The following TRIM55 variants were observed in gnomAD, a reference collection of about 807,000 sequenced individuals.
TRIM55 encodes tripartite motif-containing protein 55.
TRIM55 carries 50 observed loss-of-function variants against 60.9 expected under a neutral mutation model. That is an observed-to-expected ratio of 0.82 (90% CI 0.65 to 1.04). The LOEUF (loss-of-function observed/expected upper bound fraction) is 1.04, where lower values mean the gene tolerates loss of function less well. TRIM55 is among the 50% of genes least tolerant of loss of function. TRIM55 has a pLI of 0.00. For missense variants in TRIM55, 681 were observed against 666.9 expected, an observed-to-expected ratio of 1.02 and a Z score of -0.23; for synonymous variants, 237 against 238.1, an observed-to-expected ratio of 1.00 and a Z score of 0.04.
rs544219291 is a variant in TRIM55 at position 66,127,426 on chromosome 8, A to G, written c.158A>G (p.Asp53Gly). The G allele has an allele frequency of 4.3e-6, 7 of 1,613,820 alleles. No individual in the cohort carries two copies. The highest frequency in any genetic ancestry group is 5.9e-6 in the Non-Finnish European group (7 of 1,179,904). ...AACCTGTGTAGGAAATGTGCCAGTGATATTTTCCAGGTAGGTTTGTTTGGA... is the reference window on the plus strand; with the variant it reads ...AACCTGTGTAGGAAATGTGCCAGTGGTATTTTCCAGGTAGGTTTGTTTGGA... ...QHNLCRKCAS[D>G]IFQASNPYLP... Residue 53 changes from aspartate to glycine, a missense_variant, in exon 1 of 10, where the codon GAT becomes GGT. Physicochemically the swap from Asp to Gly is moderately conservative, Grantham distance 94. Coordinates refer to ENST00000315962, the MANE Select transcript of TRIM55 (RefSeq NM_184085.2).
intron 4 of TRIM55, among the ~76,000 whole-genome samples, chr8:66,137,758 GAAAAAAA>G (rs34634925): frequency 6.9e-5 from 8 of 116,322 alleles, no homozygotes; most frequent in African/African-American, 2.6e-4. Context: ...AATCAACACT[GAAAAAAA>G]AAAAAAAAAA....
chr8:66,155,561 A>G lies in TRIM55; in HGVS notation c.1524+1227A>G, dbSNP rs1810690045. 11 of 1,293,050 alleles carry G rather than the reference A, an allele frequency of 8.5e-6. No homozygotes were observed. The South Asian group carries it at 1.3e-4, about 15-fold the overall frequency. 80.1% of individuals were successfully genotyped at this position (1,293,050 alleles called of 1,614,324 possible). On this transcript the variant is annotated intron_variant, in intron 9 of 9. Transcript: ENST00000315962. ...AAGCCAAAATGAAAAGTCCATTGAA[A>G]TAATGTTGAAAATAATTATTTGTGA...
chr8:66,133,319 T>A (rs578183240), intron 2 of TRIM55, among the ~76,000 whole-genome samples: 13 of 152,186 alleles, frequency 8.5e-5, no homozygotes, highest in African/African-American at 2.4e-4. Context: ...CCTTTCATTG[T>A]CTCACTCATT....
intron 7 of TRIM55, among the ~76,000 whole-genome samples, chr8:66,151,866 AAATAAATAAAT>A (rs1810443723): frequency 7.3e-6 from 1 of 137,838 alleles, no homozygotes; most frequent in Non-Finnish European, 1.6e-5. Flanking sequence ...ATAAATAAAT[AAATAAATAAAT>A]AAATAAATAA....
intron 7 of TRIM55, 90 bp downstream of exon 7, chr8:66,150,556 C>A: frequency 6.8e-7 from 1 of 1,465,336 alleles, no homozygotes; most frequent in Non-Finnish European, 9.4e-7. Flanking sequence ...GATTCAGAAT[C>A]ACCTCCAGAA....
intron 4 of TRIM55, among the ~76,000 whole-genome samples, chr8:66,145,548 C>A (rs1253742760): frequency 6.6e-6 from 1 of 152,048 alleles, no homozygotes; most frequent in Non-Finnish European, 1.5e-5. Flanking sequence ...ATGCCAGGTA[C>A]AAAGTCAGTG....
Position 66,137,145 on chromosome 8 carries a change from C to G in TRIM55, c.558C>G (p.Val186=), listed in dbSNP as rs1809527061. 1 of 1,614,038 alleles carries G rather than the reference C, an allele frequency of 6.2e-7. No homozygotes were observed. Among genetic ancestry groups the G allele is most frequent in the African/African-American group, 1.3e-5 (1 of 74,930 alleles). ...TCCTCGTGGGCAGCAACGATCGAGTCCAGGGAGTGATCAGCCAGCTGGAAG... is the reference window on the plus strand; with the variant it reads ...TCCTCGTGGGCAGCAACGATCGAGTGCAGGGAGTGATCAGCCAGCTGGAAG... ...IAILVGSNDR[V]QGVISQLEDT... Residue 186 remains valine (V), a synonymous_variant, in exon 4 of 10, where the codon GTC becomes GTG. Transcript: ENST00000315962.
chr8:66,153,532 T>G (rs945027801), intron 8 of TRIM55, among the ~76,000 whole-genome samples: 7 of 152,216 alleles, frequency 4.6e-5, no homozygotes, highest in Admixed American at 2.6e-4. Flanking sequence ...ATGCTCTGTC[T>G]CCACAGGAAA....
At chr8:66,152,835 T>C (rs1289616239) in intron 8 of TRIM55, among the ~76,000 whole-genome samples, 7 of 152,044 alleles carry the variant, frequency 4.6e-5, no homozygotes, top group Admixed American at 4.6e-4. Flanking sequence ...TTATTGTTAG[T>C]TAACAAAATT....
chr8:66,115,330 G>A, the TRIM55 span: 1 of 152,176 alleles, frequency 6.6e-6, no homozygotes, highest in African/African-American at 2.4e-5. Flanking sequence ...TTAGTTGAAT[G>A]TATTGTAAAT....
Position 66,136,077 on chromosome 8 carries a change from C to T in TRIM55, c.507+922C>T, listed in dbSNP as rs545009616. ...CAATTACAGCTAGTGGCCACTAAGT[C>T]CTAAAGAAACAGATTTTGCAAATTA... is the stretch of plus-strand genomic sequence containing the variant. On this transcript the variant is annotated intron_variant, in intron 3 of 9. Transcript: ENST00000315962. Among the ~76,000 whole-genome samples the T allele has an allele frequency of 7.2e-5, 11 of 152,314 alleles. No individual in the cohort carries two copies. In the South Asian group the frequency reaches 2.3e-3, roughly 32 times the overall value.
chr8:66,116,394 C>G, the TRIM55 span, among the ~76,000 whole-genome samples: 5 of 151,882 alleles, frequency 3.3e-5, no homozygotes, highest in African/African-American at 1.2e-4. Flanking sequence ...ATCCCTTGAG[C>G]TCAGGAGTTC....
At chr8:66,147,678 C>T (rs1349662534) in intron 4 of TRIM55, among the ~76,000 whole-genome samples, 1 of 151,450 alleles carries the variant, frequency 6.6e-6, no homozygotes, top group African/African-American at 2.4e-5. Context: ...GCCTGTAATC[C>T]CAGCTACTCA....
At chr8:66,174,086 T>C (rs1282960818) in intron 9 of TRIM55, among the ~76,000 whole-genome samples, 5 of 152,084 alleles carry the variant, frequency 3.3e-5, no homozygotes, top group African/African-American at 1.2e-4. Flanking sequence ...TTGGAATTTT[T>C]TCAAATTCTG....
intron 9 of TRIM55, among the ~76,000 whole-genome samples, chr8:66,162,669 A>G (rs1326345819): frequency 4.6e-5 from 7 of 151,904 alleles, no homozygotes; most frequent in Non-Finnish European, 2.9e-5. Context: ...TTTGTTGGCA[A>G]TGTTTTTATT....
intron 2 of TRIM55, among the ~76,000 whole-genome samples, chr8:66,134,122 A>T (rs902230370): frequency 6.6e-6 from 1 of 152,244 alleles, no homozygotes; most frequent in African/African-American, 2.4e-5. Flanking sequence ...TTCATGGCTC[A>T]TAAAAACCTG....
upstream of TRIM55, among the ~76,000 whole-genome samples, chr8:66,123,864 G>T (rs919627360): frequency 6.6e-6 from 1 of 152,134 alleles, no homozygotes; most frequent in Non-Finnish European, 1.5e-5. Flanking sequence ...TCTCTTAAAA[G>T]AAAATTCTGT....
chr8:66,175,152 T>A lies in TRIM55; in HGVS notation c.*559T>A, dbSNP rs935214319. On this transcript the variant is annotated 3_prime_UTR_variant, in exon 10 of 10. Transcript: ENST00000315962. ...TCACTGGATGTACATTCAGAAATGTTCTTTGAATTTGGTGACACTTTCATG... is the reference window on the plus strand; with the variant it reads ...TCACTGGATGTACATTCAGAAATGTACTTTGAATTTGGTGACACTTTCATG... The A allele has an allele frequency of 5.2e-5, 8 of 152,652 alleles. No individual in the cohort carries two copies. The highest frequency in any genetic ancestry group is 1.9e-4 in the African/African-American group (8 of 41,454). 9.5% of individuals were successfully genotyped at this position (152,652 alleles called of 1,614,324 possible). A position where few individuals can be genotyped will look rare whatever the true frequency, so the allele number is the denominator to read the frequency against.
At chr8:66,167,816 A>G (rs1811408492) in intron 9 of TRIM55, among the ~76,000 whole-genome samples, 1 of 152,212 alleles carries the variant, frequency 6.6e-6, no homozygotes, top group Admixed American at 6.5e-5. Context: ...TGGTGTGATC[A>G]TAGCTCATTA....
Sources: allele counts gnomAD v4.1 joint callset (sites outside exome capture counted in the v4.1 genomes callset), GRCh38; gene constraint gnomAD v4.1.1; transcripts MANE v1.5; gene names NCBI Gene and HGNC (gene_info 2026-07-23, HGNC 2026-07-21).